THSD7A: variants seen among roughly 807,000 people sequenced by gnomAD.
THSD7A encodes the protein thrombospondin type 1 domain containing 7A, also known as thrombospondin type-1 domain-containing protein 7A.
Under a neutral mutation model 231.3 loss-of-function variants are expected in THSD7A, and 96 were observed. The observed-to-expected ratio is 0.41, with a 90% CI of 0.35 to 0.49. The LOEUF (loss-of-function observed/expected upper bound fraction) is 0.49. THSD7A is among the 20% of genes least tolerant of loss of function. The pLI, the probability that THSD7A is intolerant of heterozygous loss-of-function variation, is 0.05. For missense variants in THSD7A, 2,290 were observed against 2,070.2 expected, an observed-to-expected ratio of 1.11 and a Z score of -2.06; for synonymous variants, 940 against 743.3, an observed-to-expected ratio of 1.26 and a Z score of -4.30.
chr7:11,711,312 G>T (rs1347172440), intron 1 of THSD7A, among the ~76,000 whole-genome samples: 1 of 150,638 alleles, frequency 6.6e-6, no homozygotes, highest in African/African-American at 2.4e-5. Flanking sequence ...CCTTTCTTGG[G>T]GTCACAGAGG....
rs144044492 is a variant in THSD7A, at chr7:11,694,423, A to C, written c.191-57462T>G. Among the ~76,000 whole-genome samples, 258 of 151,614 alleles carry C rather than the reference A, an allele frequency of 1.7e-3. 3 individuals are homozygous for C. Among genetic ancestry groups the C allele is most frequent in the African/African-American group, 5.6e-3 (234 of 41,456 alleles). Reference sequence around the variant, plus strand: ...ATTCCTGTTACATGTCAGCCACTAAAATCCAAGTGCTATTCTATCTCCATT... The same window carrying C: ...ATTCCTGTTACATGTCAGCCACTAACATCCAAGTGCTATTCTATCTCCATT... On this transcript the variant is annotated intron_variant, in intron 1 of 27. Coordinates refer to ENST00000423059, the MANE Select transcript of THSD7A (RefSeq NM_015204.3).
intron 2 of THSD7A, among the ~76,000 whole-genome samples, chr7:11,610,414 A>G (rs954508945): frequency 6.6e-6 from 1 of 152,142 alleles, no homozygotes; most frequent in South Asian, 2.1e-4. Context: ...GAAAATACCA[A>G]TGTTGTAGGT....
At position 11,411,445 on chromosome 7, in the gene THSD7A, TC is replaced by T; in HGVS notation, c.3683-124del. On this transcript the variant is annotated intron_variant, in intron 18 of 27. Transcript: ENST00000423059. The surrounding 1 kb of genome is among the most constrained non-coding windows in gnomAD (Gnocchi z 4.1). ...GCTTCCTAAGCCCCATAATCAATCATCCCCCATGCAGAGCATATGGGTCCCA... is the reference window on the plus strand; with the variant it reads ...GCTTCCTAAGCCCCATAATCAATCATCCCCATGCAGAGCATATGGGTCCCA... 1 of 669,010 alleles carries T rather than the reference TC, an allele frequency of 1.5e-6. No homozygotes were observed. The highest frequency in any genetic ancestry group is 2.6e-6 in the Non-Finnish European group (1 of 389,316). The allele number at this position is 669,010 out of a possible 1,614,324, so 41.4% of individuals were successfully genotyped here.
chr7:11,379,253 A>G lies in THSD7A; in HGVS notation c.4618T>C (p.Tyr1540His), dbSNP rs1267623315. Residue 1540 changes from tyrosine (Y) to histidine (H), a missense_variant, in exon 26 of 28, where the codon TAC (tyrosine) becomes CAC (histidine). By Grantham distance (83) the Tyr-to-His change is moderately conservative. Coordinates refer to ENST00000423059, the MANE Select transcript of THSD7A (RefSeq NM_015204.3). ...CTGTTAGAAGACATGACTTCAGTGT[A>G]CCCTTCTTCACAATGGCATGTTTTT... ...ETKTCHCEEGYTEVMSSNSTL... is the reference protein window; with the variant it reads ...ETKTCHCEEGHTEVMSSNSTL... 1 of 1,613,632 alleles carries G rather than the reference A, an allele frequency of 6.2e-7. No individual in the cohort carries two copies. Among genetic ancestry groups the G allele is most frequent in the Non-Finnish European group, 8.5e-7 (1 of 1,179,624 alleles).
At chr7:11,421,409 T>C (rs1784137964) in intron 16 of THSD7A, among the ~76,000 whole-genome samples, 1 of 151,914 alleles carries the variant, frequency 6.6e-6, no homozygotes, top group Non-Finnish European at 1.5e-5. Context: ...TTTGTCATGA[T>C]TGTAAGTTTC....
intron 2 of THSD7A, among the ~76,000 whole-genome samples, chr7:11,593,786 C>A (rs2128342095): frequency 6.6e-6 from 1 of 152,306 alleles, no homozygotes; most frequent in East Asian, 1.9e-4. Flanking sequence ...CCATACTGTT[C>A]ATTTTACTCA....
chr7:11,823,048 T>C (rs1205164167), intron 1 of THSD7A, among the ~76,000 whole-genome samples: 1 of 152,036 alleles, frequency 6.6e-6, no homozygotes, highest in Non-Finnish European at 1.5e-5. Flanking sequence ...CCAGAAGAGT[T>C]TTCCATAGGT....
At chr7:11,775,258 A>C (rs1783364254) in intron 1 of THSD7A, among the ~76,000 whole-genome samples, 1 of 152,118 alleles carries the variant, frequency 6.6e-6, no homozygotes, top group Non-Finnish European at 1.5e-5. Flanking sequence ...GGAAGGTAAA[A>C]TGGAGCAGCC....
chr7:11,667,096 T>C (rs1188804859), intron 1 of THSD7A, among the ~76,000 whole-genome samples: 1 of 152,092 alleles, frequency 6.6e-6, no homozygotes, highest in Non-Finnish European at 1.5e-5. Context: ...CAGGTGGTTT[T>C]TGATTACATG....
chr7:11,699,141 T>G (rs1367992229), intron 1 of THSD7A, among the ~76,000 whole-genome samples: 1 of 151,220 alleles, frequency 6.6e-6, no homozygotes, highest in Non-Finnish European at 1.5e-5. Flanking sequence ...TCAGTTTAGT[T>G]AGATGTTGAC....
intron 6 of THSD7A, among the ~76,000 whole-genome samples, chr7:11,504,646 T>C (rs1217162521): frequency 1.3e-5 from 2 of 152,146 alleles, no homozygotes; most frequent in African/African-American, 4.8e-5. Flanking sequence ...TCTACATATA[T>C]TGTAACAAAA....
At chr7:11,527,296 G>T (rs1246391904) in intron 6 of THSD7A, among the ~76,000 whole-genome samples, 1 of 152,060 alleles carries the variant, frequency 6.6e-6, no homozygotes, top group African/African-American at 2.4e-5. Flanking sequence ...GATCTCAGCA[G>T]CTATGATTTC....
At chr7:11,659,434 T>C (rs1207023500) in intron 1 of THSD7A, among the ~76,000 whole-genome samples, 2 of 151,588 alleles carry the variant, frequency 1.3e-5, no homozygotes, top group African/African-American at 4.8e-5. Flanking sequence ...CGTTCTGACC[T>C]GTACTTCACT....
At chr7:11,792,231 A>G (rs1395407127) in intron 1 of THSD7A, among the ~76,000 whole-genome samples, 2 of 151,926 alleles carry the variant, frequency 1.3e-5, no homozygotes, top group Non-Finnish European at 2.9e-5. Flanking sequence ...ATTTTGAATC[A>G]TAACTGATCA....
intron 16 of THSD7A, among the ~76,000 whole-genome samples, chr7:11,423,242 C>T (rs566135809): frequency 5.9e-4 from 89 of 152,096 alleles, no homozygotes; most frequent in African/African-American, 1.7e-3. Context: ...AGGTTTTATA[C>T]GGTAAAACAA....
Position 11,458,393 on chromosome 7 carries a change from G to A in THSD7A, c.2605+2269C>T, listed in dbSNP as rs184443752. Reference sequence around the variant, plus strand: ...GTTTCTATAGAAATATAAGCTGTACGAAAAAGCAGTCTTTCATCTACTCAG... The same window carrying A: ...GTTTCTATAGAAATATAAGCTGTACAAAAAAGCAGTCTTTCATCTACTCAG... On this transcript the variant is annotated intron_variant, in intron 11 of 27. Transcript: ENST00000423059. Among the ~76,000 whole-genome samples the A allele has an allele frequency of 4.8e-3, 727 of 152,036 alleles. 4 individuals carry two copies. The highest frequency in any genetic ancestry group is 0.017 in the African/African-American group (700 of 41,510).
chr7:11,728,616 A>G (rs1019239595), intron 1 of THSD7A, among the ~76,000 whole-genome samples: 2 of 151,954 alleles, frequency 1.3e-5, no homozygotes, highest in Admixed American at 6.6e-5. Context: ...AAATTAAATT[A>G]GAGAATATTA....
intron 1 of THSD7A, among the ~76,000 whole-genome samples, chr7:11,721,823 A>G (rs1048385766): frequency 1.3e-5 from 2 of 151,928 alleles, no homozygotes; most frequent in Admixed American, 1.3e-4. Flanking sequence ...TCTAAAATTC[A>G]TATAGTATTC....
rs1784963514 is a variant in THSD7A at position 11,446,174 on chromosome 7, C to T, written c.2951G>A (p.Gly984Glu). ...LPEGKVEVLL[G>E]MKVQGDIKEC... ...CTTGATGTCTCCTTGTACTTTCATT[C>T]CCAGCAACACTTCCACTTTTCCCTC... Residue 984 changes from glycine to glutamate, a missense_variant, in exon 13 of 28, where the codon GGA becomes GAA. By Grantham distance (98) the Gly-to-Glu change is moderately conservative. Transcript: ENST00000423059. The surrounding 1 kb of genome is among the most constrained non-coding windows in gnomAD (Gnocchi z 4.0). 1 of 1,613,576 alleles carries T rather than the reference C, an allele frequency of 6.2e-7. No individual in the cohort carries two copies. Among genetic ancestry groups the T allele is most frequent in the East Asian group, 2.2e-5 (1 of 44,856 alleles).
Sources: allele counts gnomAD v4.1 joint callset (sites outside exome capture counted in the v4.1 genomes callset), GRCh38; gene constraint gnomAD v4.1.1; non-coding constraint Gnocchi (gnomAD v3.1); transcripts MANE v1.5; gene names NCBI Gene and HGNC (gene_info 2026-07-23, HGNC 2026-07-21).